The following NGEF variants were observed in gnomAD, a reference collection of about 807,000 sequenced individuals.
NGEF encodes the protein ephexin-1.
A neutral mutation model predicts 80.9 loss-of-function variants in NGEF; 31 were observed. The ratio of observed to expected loss-of-function variants is 0.38; its 90% CI spans 0.29 to 0.52. NGEF has a LOEUF of 0.52. Ranked by LOEUF, NGEF falls within the 20% of genes least tolerant of loss-of-function variation. The pLI, the probability that NGEF is intolerant of heterozygous loss-of-function variation, is 0.84. For synonymous variants in NGEF, 371 were observed against 370.2 expected (o/e 1.00, Z -0.03); for missense variants, 709 against 926.2 (o/e 0.77, Z 3.04).
At chr2:233,012,907 C>G in intron 1 of NGEF, 161 bp downstream of exon 1, 1 of 470,960 alleles carries the variant, frequency 2.1e-6, no homozygotes, top group Non-Finnish European at 4.4e-6. Flanking sequence ...AGACAGGATC[C>G]CTCGGGTGGA....
intron 3 of NGEF, among the ~76,000 whole-genome samples, chr2:232,947,275 C>T (rs528197708): frequency 2.6e-4 from 39 of 152,272 alleles, no homozygotes; most frequent in Middle Eastern, 6.8e-3. Context: ...ACACATCACC[C>T]GGATGCAGTC....
chr2:232,894,278 C>A (rs1292468371), intron 6 of NGEF, among the ~76,000 whole-genome samples: 2 of 152,272 alleles, frequency 1.3e-5, no homozygotes, highest in Non-Finnish European at 2.9e-5. Flanking sequence ...GGAAAACGCA[C>A]TCAGGAGGTG....
At chr2:232,949,953 A>C (rs886204934) in intron 3 of NGEF, among the ~76,000 whole-genome samples, 3 of 151,904 alleles carry the variant, frequency 2.0e-5, no homozygotes, top group Non-Finnish European at 2.9e-5. Context: ...CTGGGATTAC[A>C]GGTGCCCACC....
chr2:232,890,815 C>G (rs188127045), intron 8 of NGEF: 1 of 441,222 alleles, frequency 2.3e-6, no homozygotes, highest in East Asian at 7.1e-5. Context: ...CAGGTGACTC[C>G]CATCACACTG....
At chr2:232,991,865 T>C (rs1405615490) in intron 1 of NGEF, among the ~76,000 whole-genome samples, 1 of 151,824 alleles carries the variant, frequency 6.6e-6, no homozygotes, top group Non-Finnish European at 1.5e-5. Flanking sequence ...AGTGTGGTAC[T>C]GGCACAGGAT....
intron 13 of NGEF, 97 bp downstream of exon 13, chr2:232,882,089 G>GT (rs2106209789): frequency 8.9e-7 from 1 of 1,126,588 alleles, no homozygotes; most frequent in Admixed American, 2.0e-5. Flanking sequence ...CCAGCTCAGG[G>GT]AGGGCTTCCC....
intron 1 of NGEF, among the ~76,000 whole-genome samples, chr2:232,990,999 A>G (rs1031930682): frequency 5.9e-5 from 9 of 152,038 alleles, no homozygotes; most frequent in African/African-American, 2.2e-4. Context: ...CTTATTAGGC[A>G]TATGACATCA....
At chr2:232,930,412 C>T (rs1253120594) in intron 3 of NGEF, among the ~76,000 whole-genome samples, 1 of 151,972 alleles carries the variant, frequency 6.6e-6, no homozygotes, top group African/African-American at 2.4e-5. Context: ...TTCTGCCTCC[C>T]GGGTTCAAGC....
intron 5 of NGEF, chr2:232,901,335 G>A: frequency 1.0e-6 from 1 of 982,568 alleles, no homozygotes; most frequent in Non-Finnish European, 1.2e-6. Flanking sequence ...GCTCGAGGCT[G>A]CGCGATTTCT....
intron 3 of NGEF, among the ~76,000 whole-genome samples, chr2:232,960,967 C>A (rs1693939157): frequency 1.3e-5 from 2 of 152,144 alleles, no homozygotes; most frequent in African/African-American, 4.8e-5. Context: ...GCTTCCTGTG[C>A]CCCTCTTTAC....
chr2:232,949,644 A>C (rs1407224189), intron 3 of NGEF, among the ~76,000 whole-genome samples: 1 of 150,460 alleles, frequency 6.6e-6, no homozygotes, highest in Non-Finnish European at 1.5e-5. Context: ...TGCCCGGCTA[A>C]TTTTGTATTT....
intron 3 of NGEF, among the ~76,000 whole-genome samples, chr2:232,928,674 G>A (rs1268188742): frequency 6.6e-6 from 1 of 152,194 alleles, no homozygotes; most frequent in East Asian, 1.9e-4. Context: ...GCCTCGCGGT[G>A]GGGAGGGGGC....
At chr2:232,964,262 C>T (rs1351208765) in intron 3 of NGEF, among the ~76,000 whole-genome samples, 4 of 152,210 alleles carry the variant, frequency 2.6e-5, no homozygotes, top group Admixed American at 2.0e-4. Flanking sequence ...GAAATGAGTA[C>T]ATACATCCAC....
intron 5 of NGEF, among the ~76,000 whole-genome samples, chr2:232,916,177 T>C (rs1461749452): frequency 6.6e-6 from 1 of 152,252 alleles, no homozygotes; most frequent in Non-Finnish European, 1.5e-5. Flanking sequence ...AAAAAGAAGA[T>C]GCCATGGACC....
At chr2:232,907,614 A>G (rs886912916) in intron 5 of NGEF, among the ~76,000 whole-genome samples, 2 of 152,158 alleles carry the variant, frequency 1.3e-5, no homozygotes, top group Non-Finnish European at 2.9e-5. Flanking sequence ...ATTGCACATC[A>G]GTTAGGTCAG....
At position 233,006,263 on chromosome 2, in the gene NGEF, C is replaced by T. The variant is rs143384611; in HGVS notation, c.-75+6805G>A. On this transcript the variant is annotated intron_variant, in intron 1 of 14. Coordinates refer to ENST00000264051, the MANE Select transcript of NGEF (RefSeq NM_019850.3). ...CTTTCCACACCAGCATTTACCAAGC[C>T]ATTTTTTGAAAAAATTGGAGCATCA... Among the ~76,000 whole-genome samples, 657 of 152,296 alleles carry T rather than the reference C, an allele frequency of 4.3e-3. 8 individuals are homozygous for T. The highest frequency in any genetic ancestry group is 0.015 in the African/African-American group (605 of 41,562).
chr2:232,922,616 C>T (rs779017139), intron 4 of NGEF, among the ~76,000 whole-genome samples: 6 of 152,358 alleles, frequency 3.9e-5, no homozygotes, highest in South Asian at 2.1e-4. Flanking sequence ...ACTATTGCGA[C>T]GTCAAGCTAT....
rs144671983 is a variant in NGEF at position 232,879,099 on chromosome 2, G to C, written c.*390C>G. The stretch of plus-strand genomic sequence containing the variant: ...TAGAGGAGGACGCGTGCAGGAAATC[G>C]TGTCAATTGTCACCTTCTGCCTGCC... On this transcript the variant is annotated 3_prime_UTR_variant, in exon 15 of 15. Transcript: ENST00000264051. 2 of 169,620 alleles carry C rather than the reference G, an allele frequency of 1.2e-5. No individual in the cohort carries two copies. The highest frequency in any genetic ancestry group is 2.5e-5 in the Non-Finnish European group (2 of 79,362). 10.5% of individuals were successfully genotyped at this position (169,620 alleles called of 1,614,324 possible).
At chr2:232,942,522 C>A (rs1393924849) in intron 3 of NGEF, among the ~76,000 whole-genome samples, 1 of 152,170 alleles carries the variant, frequency 6.6e-6, no homozygotes, top group African/African-American at 2.4e-5. Flanking sequence ...TAACGTAAAT[C>A]TCTCTTTCCT....
Sources: gnomAD v4.1 joint callset for allele counts (sites outside exome capture counted in the v4.1 genomes callset) on GRCh38, gnomAD v4.1.1 for gene constraint, MANE v1.5 for transcripts, NCBI Gene and HGNC (gene_info 2026-07-23, HGNC 2026-07-21) for gene names.